ANO4: variants seen among roughly 807,000 people sequenced by gnomAD.
ANO4 encodes anoctamin 4.
A neutral mutation model predicts 141.9 loss-of-function variants in ANO4; 69 were observed. The ratio of observed to expected loss-of-function variants is 0.49; its 90% confidence interval spans 0.40 to 0.59. The LOEUF (loss-of-function observed/expected upper bound fraction) is 0.59, where lower values mean the gene tolerates loss of function less well. ANO4 is among the 20% of genes least tolerant of loss of function. The probability of loss-of-function intolerance (pLI) is 0.00; values close to 1 mark genes in which losing one functional copy is unlikely to be tolerated. For missense variants in ANO4, 894 were observed against 1,162.2 expected (o/e 0.77, Z 3.36); for synonymous variants, 350 against 394.3 (o/e 0.89, Z 1.33).
chr12:100,779,520 T>C (rs968148114), intron 3 of ANO4, among the ~76,000 whole-genome samples: 8 of 152,236 alleles, frequency 5.3e-5, no homozygotes, highest in African/African-American at 1.9e-4. Context: ...ACCTCTATTA[T>C]TGAGCCCTTA....
intron 1 of ANO4, among the ~76,000 whole-genome samples, chr12:100,833,684 G>C (rs2036751176): frequency 1.3e-5 from 2 of 152,026 alleles, no homozygotes; most frequent in Non-Finnish European, 2.9e-5. Flanking sequence ...CTAGTTGTGG[G>C]TTCTTGAGGA....
intron 3 of ANO4, among the ~76,000 whole-genome samples, chr12:100,757,008 A>G (rs2032641906): frequency 6.6e-6 from 1 of 152,214 alleles, no homozygotes; most frequent in Middle Eastern, 3.4e-3. Context: ...ATTAGCCAAA[A>G]ATCGTCCTGT....
At chr12:100,780,815 A>G (rs572816978) in intron 3 of ANO4, among the ~76,000 whole-genome samples, 50 of 152,296 alleles carry the variant, frequency 3.3e-4, no homozygotes, top group African/African-American at 9.9e-4. Context: ...AAACGCTGGG[A>G]TTACAGGTGT....
chr12:101,094,337 G>C (rs1347374673), intron 18 of ANO4, 45 bp downstream of exon 18: 14 of 1,509,392 alleles, frequency 9.3e-6, no homozygotes, highest in Non-Finnish European at 1.3e-5. Context: ...CTGTGGGCTA[G>C]AGAGTATGGT....
Position 100,728,747 on chromosome 12 carries a change from G to A in ANO4, c.23-5027G>A, listed in dbSNP as rs1157737140. Among the ~76,000 whole-genome samples the A allele has an allele frequency of 2.0e-5, 3 of 151,936 alleles. No individual in the cohort carries two copies. The South Asian group carries it at 6.2e-4, about 31-fold the overall frequency. On this transcript the variant is annotated intron_variant, in intron 1 of 29. Transcript: ENST00000644049. ...TTCCACCACCTTTTCTTTTTCCTAG[G>A]TACTTTTACAGAATTTGTATTCTAG...
At chr12:101,118,279 T>C (rs1046546504) in intron 25 of ANO4, among the ~76,000 whole-genome samples, 1 of 152,188 alleles carries the variant, frequency 6.6e-6, no homozygotes, top group Non-Finnish European at 1.5e-5. Flanking sequence ...ACAGAGTCTT[T>C]CTCCTCTTCT....
chr12:101,048,045 A>C, intron 13 of ANO4: 1 of 1,168,390 alleles, frequency 8.6e-7, no homozygotes, highest in Non-Finnish European at 1.1e-6. Flanking sequence ...TACGTGTATA[A>C]GAGTTTTGTT....
At position 100,938,950 on chromosome 12, in the gene ANO4, A is replaced by G. The variant is rs1395023298; in HGVS notation, c.161-365A>G. Among the ~76,000 whole-genome samples, 6 of 152,186 alleles carry G rather than the reference A, an allele frequency of 3.9e-5. No individual in the cohort carries two copies. The East Asian group carries it at 7.7e-4, about 20-fold the overall frequency. ...AAAAAATTAAATTTAATTTAAAAGT[A>G]TAGGTCATCTCCAACCCTTTTCCAA... is the stretch of plus-strand genomic sequence containing the variant. On this transcript the variant is annotated intron_variant, in intron 3 of 27. Coordinates refer to ENST00000392977, the MANE Select transcript of ANO4 (RefSeq NM_001286615.2).
At chr12:100,946,428 G>A (rs2042723445) in intron 5 of ANO4, among the ~76,000 whole-genome samples, 1 of 152,110 alleles carries the variant, frequency 6.6e-6, no homozygotes, top group Admixed American at 6.6e-5. Flanking sequence ...AAGAGATGAT[G>A]GTAGCTTGGT....
intron 19 of ANO4, 70 bp downstream of exon 19, chr12:101,096,717 G>A (rs1415035407): frequency 4.2e-6 from 5 of 1,177,550 alleles, no homozygotes; most frequent in Non-Finnish European, 6.3e-6. Flanking sequence ...GACTCGTGGG[G>A]ACAGAGAAGC....
At chr12:100,851,293 G>A (rs796628822) in intron 1 of ANO4, among the ~76,000 whole-genome samples, 21 of 152,210 alleles carry the variant, frequency 1.4e-4, no homozygotes, top group African/African-American at 5.1e-4. Context: ...TATTAGTGAA[G>A]TAGAGTATTT....
At chr12:101,080,070 G>A (rs1479752052) in intron 15 of ANO4, among the ~76,000 whole-genome samples, 1 of 152,148 alleles carries the variant, frequency 6.6e-6, no homozygotes, top group Non-Finnish European at 1.5e-5. Context: ...TTTCCTCAGA[G>A]CCTTGCTGTG....
intron 4 of ANO4, among the ~76,000 whole-genome samples, chr12:100,941,725 C>G (rs59181090): frequency 0.019 from 2,900 of 151,914 alleles, 89 homozygotes; most frequent in African/African-American, 0.066. Flanking sequence ...TGCACATATT[C>G]AGTTTTGCAA....
intron 14 of ANO4, chr12:101,066,669 C>T (rs368943674): frequency 9.0e-5 from 56 of 620,946 alleles, no homozygotes; most frequent in Middle Eastern, 4.4e-4. Context: ...CATGGCCCTG[C>T]GGTCGGCGGC....
At position 100,900,201 on chromosome 12, in the gene ANO4, C is replaced by G. The variant is rs148781540; in HGVS notation, c.-140-1445C>G. Among the ~76,000 whole-genome samples the G allele has an allele frequency of 3.3e-3, 496 of 152,050 alleles. 6 individuals carry two copies. Among genetic ancestry groups the G allele is most frequent in the African/African-American group, 0.012 (483 of 41,480 alleles). Reference sequence around the variant, plus strand: ...TCCAGCCTACTTCCAGCCTTTCTCTCTCTCTCTTTCTCTCCTTCCCTCCTT... The same window carrying G: ...TCCAGCCTACTTCCAGCCTTTCTCTGTCTCTCTTTCTCTCCTTCCCTCCTT... On this transcript the variant is annotated intron_variant, in intron 1 of 27. Transcript: ENST00000392977.
chr12:100,724,676 C>T (rs1057204108), intron 1 of ANO4, among the ~76,000 whole-genome samples: 1 of 152,276 alleles, frequency 6.6e-6, no homozygotes, highest in Non-Finnish European at 1.5e-5. Context: ...CCCAAGCCAC[C>T]ACTTTCTACC....
intron 1 of ANO4, among the ~76,000 whole-genome samples, chr12:100,861,148 C>T (rs2038452432): frequency 6.6e-6 from 1 of 152,164 alleles, no homozygotes; most frequent in African/African-American, 2.4e-5. Context: ...GTTGATTTTA[C>T]AGAGCATTGA....
chr12:101,097,975 G>A (rs915181325), intron 21 of ANO4, 30 bp downstream of exon 21: 19 of 1,585,852 alleles, frequency 1.2e-5, no homozygotes, highest in Non-Finnish European at 1.3e-5. Flanking sequence ...TAATTGAGAG[G>A]CAGCATTGCT....
intron 5 of ANO4, among the ~76,000 whole-genome samples, chr12:100,965,410 C>T (rs924653497): frequency 6.6e-6 from 1 of 152,116 alleles, no homozygotes; most frequent in Non-Finnish European, 1.5e-5. Flanking sequence ...TTGAACTTCC[C>T]ACTCCTATGC....
Sources: gnomAD v4.1 joint callset for allele counts (sites outside exome capture counted in the v4.1 genomes callset) on GRCh38, gnomAD v4.1.1 for gene constraint, MANE v1.5 for transcripts, NCBI Gene and HGNC (gene_info 2026-07-23, HGNC 2026-07-21) for gene names.